TFEC: variants seen among roughly 807,000 people sequenced by gnomAD.
The protein encoded by TFEC is transcription factor EC, also known as class E basic helix-loop-helix protein 34.
Under a neutral mutation model 41.6 loss-of-function variants are expected in TFEC, and 31 were observed. That is an observed-to-expected ratio of 0.74 (90% CI 0.56 to 1.01). TFEC has a LOEUF of 1.01. TFEC is among the 50% of genes least tolerant of loss of function. The pLI is 0.00. For missense variants in TFEC, 402 were observed against 404.1 expected (o/e 0.99, Z 0.04); for synonymous variants, 143 against 140.6 (o/e 1.02, Z -0.12).
chr7:116,117,459 A>G (rs1798015663), intron 1 of TFEC: 1 of 151,792 alleles, frequency 6.6e-6, no homozygotes, highest in Non-Finnish European at 1.5e-5. Flanking sequence ...CCCAAATACA[A>G]GTTGATTTTA....
intron 1 of TFEC, among the ~76,000 whole-genome samples, chr7:116,115,620 T>C (rs1349695689): frequency 6.6e-6 from 1 of 151,846 alleles, no homozygotes; most frequent in Non-Finnish European, 1.5e-5. Context: ...CCCACAAAAA[T>C]CTCCCCACCT....
chr7:115,940,546 A>G lies in TFEC; in HGVS notation c.*5T>C. On this transcript the variant is annotated 3_prime_UTR_variant, in exon 8 of 8. Transcript: ENST00000265440. Reference sequence around the variant, plus strand: ...TCCAGTTGATGAATTGGGTCTGTTTATTTCTTATAATTCATCACCATCATC... The same window carrying G: ...TCCAGTTGATGAATTGGGTCTGTTTGTTTCTTATAATTCATCACCATCATC... The G allele has an allele frequency of 6.2e-7, 1 of 1,602,600 alleles. No individual in the cohort carries two copies. The highest frequency in any genetic ancestry group is 8.5e-7 in the Non-Finnish European group (1 of 1,173,628).
chr7:116,031,579 T>A (rs1445545702), upstream of TFEC, among the ~76,000 whole-genome samples: 2 of 152,178 alleles, frequency 1.3e-5, no homozygotes, highest in Non-Finnish European at 2.9e-5. Context: ...TTGTCTTACC[T>A]ATATTTTAAA....
At chr7:116,047,154 C>T (rs1796185553) in intron 3 of TFEC, among the ~76,000 whole-genome samples, 1 of 152,190 alleles carries the variant, frequency 6.6e-6, no homozygotes, top group African/African-American at 2.4e-5. Context: ...AGGTTCATCT[C>T]ACAGGGGCTT....
intron 1 of TFEC, among the ~76,000 whole-genome samples, chr7:115,998,548 TA>T (rs200421094): frequency 3.4e-5 from 5 of 147,942 alleles, no homozygotes; most frequent in African/African-American, 1.0e-4. Context: ...AATGGATAAG[TA>T]AAAAAAAACA....
chr7:115,955,144 C>T lies in TFEC; in HGVS notation c.383-502G>A, dbSNP rs150890202. ...CAAATATCCATATGAAACACTTCCA[C>T]ACTTTCTTCCAGTAAATGGCACTTC... On this transcript the variant is annotated intron_variant, in intron 4 of 7. Coordinates refer to ENST00000265440, the MANE Select transcript of TFEC (RefSeq NM_012252.4). Among the ~76,000 whole-genome samples, 448 of 152,136 alleles carry T rather than the reference C, an allele frequency of 2.9e-3. 5 individuals carry two copies. The highest frequency in any genetic ancestry group is 0.011 in the African/African-American group (437 of 41,542).
chr7:115,966,398 C>T (rs1253228595), intron 3 of TFEC, among the ~76,000 whole-genome samples: 2 of 151,562 alleles, frequency 1.3e-5, no homozygotes, highest in African/African-American at 4.8e-5. Flanking sequence ...CAAGCATGAT[C>T]CTAACATACG....
intron 3 of TFEC, among the ~76,000 whole-genome samples, chr7:116,085,666 T>C (rs779760072): frequency 6.6e-6 from 1 of 151,932 alleles, no homozygotes; most frequent in Non-Finnish European, 1.5e-5. Flanking sequence ...TTTCATTAAA[T>C]GTCACAAGAA....
chr7:115,985,145 G>T (rs1793795088), intron 1 of TFEC, among the ~76,000 whole-genome samples: 1 of 151,710 alleles, frequency 6.6e-6, no homozygotes, highest in Admixed American at 6.6e-5. Context: ...TGAGAAAGTG[G>T]TATAGTCATT....
intron 3 of TFEC, among the ~76,000 whole-genome samples, chr7:116,092,058 CGA>C (rs1374160020): frequency 6.6e-6 from 1 of 152,010 alleles, no homozygotes; most frequent in Non-Finnish European, 1.5e-5. Context: ...AAACACTGTC[CGA>C]CCTTTGTCTC....
chr7:116,103,257 G>C (rs1400280369), intron 3 of TFEC, among the ~76,000 whole-genome samples: 1 of 152,134 alleles, frequency 6.6e-6, no homozygotes, highest in Non-Finnish European at 1.5e-5. Context: ...GGGAAGCTGT[G>C]ATCACTCAGA....
At chr7:115,999,254 A>G (rs1317979799) in intron 1 of TFEC, among the ~76,000 whole-genome samples, 2 of 152,056 alleles carry the variant, frequency 1.3e-5, no homozygotes. Flanking sequence ...TGGGCAAATT[A>G]AGAAATTAAG....
chr7:116,035,455 A>G (rs1261598605), upstream of TFEC, among the ~76,000 whole-genome samples: 1 of 152,126 alleles, frequency 6.6e-6, no homozygotes. Flanking sequence ...TATAAGCATT[A>G]ATGTTAACAT....
At chr7:116,075,750 A>T (rs955879670) in intron 3 of TFEC, among the ~76,000 whole-genome samples, 2 of 152,118 alleles carry the variant, frequency 1.3e-5, no homozygotes, top group Non-Finnish European at 2.9e-5. Flanking sequence ...CTGAGCTCAG[A>T]CACACCTATA....
exon 3 of TFEC, chr7:116,110,899 G>T (rs1489050439): frequency 2.6e-6 from 4 of 1,531,908 alleles, no homozygotes; most frequent in Non-Finnish European, 3.5e-6. Flanking sequence ...GTTAAAGCTT[G>T]TAACATATTT....
intron 3 of TFEC, among the ~76,000 whole-genome samples, chr7:116,049,572 G>A (rs1420549992): frequency 1.3e-5 from 2 of 152,004 alleles, no homozygotes; most frequent in African/African-American, 4.8e-5. Context: ...CAGATCAACG[G>A]GACAGAAAGT....
intron 2 of TFEC, among the ~76,000 whole-genome samples, chr7:115,980,960 GATAAT>G (rs1465629709): frequency 6.6e-6 from 1 of 151,988 alleles, no homozygotes; most frequent in Non-Finnish European, 1.5e-5. Context: ...GATTATATGA[GATAAT>G]ATAAGATTAT....
At chr7:115,990,496 A>G (rs1794059953) in intron 1 of TFEC, among the ~76,000 whole-genome samples, 1 of 152,182 alleles carries the variant, frequency 6.6e-6, no homozygotes, top group South Asian at 2.1e-4. Flanking sequence ...AAGAGATTAG[A>G]CGAATGGCTA....
chr7:116,091,861 TA>T (rs34479523), intron 3 of TFEC, among the ~76,000 whole-genome samples: 23,263 of 146,776 alleles, frequency 0.16, 1,940 homozygotes, highest in East Asian at 0.36. Flanking sequence ...ATAATTACGC[TA>T]AAAAAAAAAG....
Sources: allele counts gnomAD v4.1 joint callset (sites outside exome capture counted in the v4.1 genomes callset), GRCh38; gene constraint gnomAD v4.1.1; transcripts MANE v1.5; gene names NCBI Gene and HGNC (gene_info 2026-07-23, HGNC 2026-07-21).